Variants in HSPG2 observed in about 807,000 individuals in gnomAD.
The protein encoded by HSPG2 is heparan sulfate proteoglycan 2, also known as basement membrane-specific heparan sulfate proteoglycan core protein.
Under a neutral mutation model 526.6 loss-of-function variants are expected in HSPG2, and 278 were observed. That is an observed-to-expected ratio of 0.53 (90% CI 0.48 to 0.58). The LOEUF (loss-of-function observed/expected upper bound fraction) is 0.58. Ranked by LOEUF, HSPG2 falls within the 20% of genes least tolerant of loss-of-function variation. The pLI, the probability that HSPG2 is intolerant of heterozygous loss-of-function variation, is 0.00. For synonymous variants in HSPG2, 2,465 were observed against 2,555.4 expected (o/e 0.96, Z 1.07); for missense variants, 5,354 against 6,099.5 (o/e 0.88, Z 4.07).
rs1195269251 is a variant in HSPG2, at chr1:21,872,952, C to G, written c.3888+45G>C. 5.7e-6 allele frequency: 9 copies of G among 1,584,280 alleles called. No homozygotes were observed. The highest frequency in any genetic ancestry group is 7.8e-6 in the Non-Finnish European group (9 of 1,153,990). On this transcript the variant is annotated intron_variant, in intron 31 of 96. Transcript: ENST00000374695. This position sits in a 1 kb window ranked among gnomAD's most constrained non-coding sequence, Gnocchi z 5.5. ...GCCTGATTTCCCCGCAGGGTCTGGGCAGCGGGGCAGAGCAGGCCCCGCAGG... is the reference window on the plus strand; with the variant it reads ...GCCTGATTTCCCCGCAGGGTCTGGGGAGCGGGGCAGAGCAGGCCCCGCAGG...
In HSPG2 at chr1:21,857,267, A is replaced by G; in HGVS notation, c.5394+18T>C. 6.2e-7 allele frequency: 1 copy of G among 1,613,702 alleles called. No individual in the cohort carries two copies. Among genetic ancestry groups the G allele is most frequent in the South Asian group, 1.1e-5 (1 of 91,076 alleles). On this transcript the variant is annotated intron_variant, in intron 43 of 96. Transcript: ENST00000374695. Reference sequence around the variant, plus strand: ...CAGAAGACAGACTTCCTCCATCCCCACTCCCTGACCTGCACACCTTGCTTT... The same window carrying G: ...CAGAAGACAGACTTCCTCCATCCCCGCTCCCTGACCTGCACACCTTGCTTT...
chr1:21,829,303 A>G (rs1438322182), intron 87 of HSPG2, 80 bp downstream of exon 87: 3 of 1,484,514 alleles, frequency 2.0e-6, no homozygotes, highest in African/African-American at 1.4e-5. Context: ...TTATCCTCCC[A>G]TGCCTCCCTG....
intron 80 of HSPG2, 94 bp downstream of exon 80, chr1:21,833,174 G>T: frequency 9.6e-7 from 1 of 1,044,934 alleles, no homozygotes; most frequent in Non-Finnish European, 1.5e-6. Flanking sequence ...GGGCAGGACT[G>T]AGGGGCAGCC....
chr1:21,880,968 C>A (rs1641456683), intron 14 of HSPG2, 133 bp from the exon 15 acceptor site: 10 of 974,524 alleles, frequency 1.0e-5, no homozygotes, highest in Non-Finnish European at 1.3e-5. Context: ...AGGCACTGAG[C>A]TAGGCACAGG....
At position 21,864,207 on chromosome 1, in the gene HSPG2, C is replaced by T; in HGVS notation, c.4633G>A (p.Ala1545Thr). 6.4e-7 allele frequency: 1 copy of T among 1,551,626 alleles called. No individual in the cohort carries two copies. The highest frequency in any genetic ancestry group is 8.7e-7 in the Non-Finnish European group (1 of 1,147,404). The change falls in exon 37 of 97, where the codon GCC becomes ACC. Residue 1545 changes from alanine (A) to threonine (T), a missense_variant. Physicochemically the swap from Ala to Thr is moderately conservative, Grantham distance 58. Transcript: ENST00000374695. The surrounding 1 kb of genome is among the most constrained non-coding windows in gnomAD (Gnocchi z 4.8). ...GYIGLSCQDC[A>T]PGYTRTGSGL... ...CTCCCGGTGCGCGTGTAGCCGGGGG[C>T]ACAGTCCTAGGGGCAGAGAGGAAGG...
chr1:21,878,890 G>A (rs918844301), intron 18 of HSPG2, 104 bp downstream of exon 18: 103 of 1,416,708 alleles, frequency 7.3e-5, no homozygotes, highest in South Asian at 3.2e-4. Context: ...TTAGTGATCA[G>A]GTAGAGATCT....
chr1:21,829,531 G>T lies in HSPG2; in HGVS notation c.11844C>A (p.His3948Gln). The T allele has an allele frequency of 1.9e-6, 3 of 1,613,024 alleles. No individual in the cohort carries two copies. The highest frequency in any genetic ancestry group is 1.7e-6 in the Non-Finnish European group (2 of 1,179,804). Residue 3948 changes from histidine to glutamine, a missense_variant, in exon 87 of 97, where the codon CAC becomes CAA. Physicochemically the swap from His to Gln is conservative, Grantham distance 24. Coordinates refer to ENST00000374695, the MANE Select transcript of HSPG2 (RefSeq NM_005529.7). ...ACTCCACGTCCAGGCGTAGCTCGTGGTGTGTGTTGGTGAGGGCGGGCAGTG... is the reference window on the plus strand; with the variant it reads ...ACTCCACGTCCAGGCGTAGCTCGTGTTGTGTGTTGGTGAGGGCGGGCAGTG... ...YLALPALTNTHHELRLDVEFK... is the reference protein window; with the variant it reads ...YLALPALTNTQHELRLDVEFK...
rs1356262699 is a variant in HSPG2, at chr1:21,877,012, T to C, written c.2686-360A>G. 1.5e-5 allele frequency among the ~76,000 whole-genome samples: 2 copies of C among 135,516 alleles called. 1 individual carries two copies. Among genetic ancestry groups the C allele is most frequent in the East Asian group, 4.5e-4 (2 of 4,472 alleles). 88.9% of individuals were successfully genotyped at this position (135,516 alleles called of 152,430 possible). A position where few individuals can be genotyped will look rare whatever the true frequency, so the allele number is the denominator to read the frequency against. On this transcript the variant is annotated intron_variant, in intron 21 of 96. Transcript: ENST00000374695. The stretch of plus-strand genomic sequence containing the variant: ...AGGTGGAGGTTGCAGTGAGCCGAGA[T>C]CGCGCCACTGCAATCCAGCCTACGC...
rs1488196994 is a variant in HSPG2 at position 21,864,551 on chromosome 1, T to C, written c.4626+292A>G. The stretch of plus-strand genomic sequence containing the variant: ...CCAAACGTGAGGCTGCACTGCCCAG[T>C]GGTTAGGACATGCTAGGCTTTGGAG... On this transcript the variant is annotated intron_variant, in intron 36 of 96. Coordinates refer to ENST00000374695, the MANE Select transcript of HSPG2 (RefSeq NM_005529.7). The surrounding 1 kb of genome is among the most constrained non-coding windows in gnomAD (Gnocchi z 4.8). Among the ~76,000 whole-genome samples, 1 of 152,098 alleles carries C rather than the reference T, an allele frequency of 6.6e-6. No homozygotes were observed. Among genetic ancestry groups the C allele is most frequent in the Admixed American group, 6.5e-5 (1 of 15,274 alleles).
In HSPG2 at chr1:21,859,154, TCTC is replaced by T. The variant is rs764419911; in HGVS notation, c.5293+409_5293+411del. 2.0e-5 allele frequency among the ~76,000 whole-genome samples: 3 copies of T among 152,006 alleles called. No individual in the cohort carries two copies. The highest frequency in any genetic ancestry group is 2.9e-5 in the Non-Finnish European group (2 of 67,996). On this transcript the variant is annotated intron_variant, in intron 42 of 96. Transcript: ENST00000374695. The surrounding 1 kb of genome is among the most constrained non-coding windows in gnomAD (Gnocchi z 5.3). Reference sequence around the variant, plus strand: ...CCTCCACCTCCCGGGTTCAAGCAATTCTCCTGCCTCAGTTCTCCCGAGTAGCTG... The same window carrying T: ...CCTCCACCTCCCGGGTTCAAGCAATTCTGCCTCAGTTCTCCCGAGTAGCTG...
At position 21,829,387 on chromosome 1, in the gene HSPG2, C is replaced by A. The variant is rs749833238; in HGVS notation, c.11988G>T (p.Gly3996=). ...GGHLEFRYEL[G]SGLAVLRSAE... Reference sequence around the variant, plus strand: ...CATTTGGTGCTGGGTGCTTACCTGACCCCAACTCATAGCGGAACTCCAGGT... The same window carrying A: ...CATTTGGTGCTGGGTGCTTACCTGAACCCAACTCATAGCGGAACTCCAGGT... The change falls in exon 87 of 97, where the codon GGG becomes GGT. Residue 3996 remains glycine, a synonymous_variant. Transcript: ENST00000374695. 1 of 1,613,324 alleles carries A rather than the reference C, an allele frequency of 6.2e-7. No individual in the cohort carries two copies. Among genetic ancestry groups the A allele is most frequent in the Non-Finnish European group, 8.5e-7 (1 of 1,179,894 alleles).
At chr1:21,873,890 G>A (rs1640847529) in intron 29 of HSPG2, 35 bp downstream of exon 29, 2 of 1,526,394 alleles carry the variant, frequency 1.3e-6, no homozygotes, top group African/African-American at 1.4e-5. Flanking sequence ...CACCCCCTGT[G>A]CGCATCCCCC....
intron 65 of HSPG2, 81 bp from the exon 66 acceptor site, chr1:21,843,519 C>T: frequency 6.9e-7 from 1 of 1,446,604 alleles, no homozygotes. Flanking sequence ...CACCCTGGGA[C>T]TGCCATGCAC....
rs766234257 is a variant in HSPG2, at chr1:21,887,309, G to A, written c.984C>T (p.Asn328=). The change falls in exon 9 of 97, where the codon AAC becomes AAT. Residue 328 remains asparagine (N), a synonymous_variant. Transcript: ENST00000374695. The surrounding 1 kb of genome is among the most constrained non-coding windows in gnomAD (Gnocchi z 5.0). The part of the protein sequence containing the change: ...DCGPPPPCEP[N]EFPCGNGHCA... ...AATGTCCATTCCCGCAGGGGAACTC[G>A]TTGGGCTCACAGGGTGGCGGGGGGC... is the stretch of plus-strand genomic sequence containing the variant. The A allele has an allele frequency of 5.0e-6, 8 of 1,613,974 alleles. No individual in the cohort carries two copies. Among genetic ancestry groups the A allele is most frequent in the South Asian group, 3.3e-5 (3 of 91,088 alleles).
chr1:21,832,921 G>A, intron 80 of HSPG2: 3 of 562,274 alleles, frequency 5.3e-6, no homozygotes, highest in Non-Finnish European at 9.6e-6. Flanking sequence ...AGACCCGTAA[G>A]AGACGAGAGA....
At position 21,887,162 on chromosome 1, in the gene HSPG2, GCAAGCGGCC is replaced by G; in HGVS notation, c.1078+44_1078+52del. On this transcript the variant is annotated intron_variant, in intron 9 of 96. Transcript: ENST00000374695. This position sits in a 1 kb window ranked among gnomAD's most constrained non-coding sequence, Gnocchi z 5.0. ...GGCAGGAGTGGAAGGCGGGGCAGGAGCAAGCGGCCTGGGCAGGGCAAGGGGGCCTCAGCT... is the reference window on the plus strand; with the variant it reads ...GGCAGGAGTGGAAGGCGGGGCAGGAGTGGGCAGGGCAAGGGGGCCTCAGCT... 3 of 1,607,934 alleles carry G rather than the reference GCAAGCGGCC, an allele frequency of 1.9e-6. No individual in the cohort carries two copies. The highest frequency in any genetic ancestry group is 2.5e-6 in the Non-Finnish European group (3 of 1,177,132).
Position 21,828,270 on chromosome 1 carries a change from G to A in HSPG2, c.12394C>T (p.Arg4132Ter), listed in dbSNP as rs745544664. The A allele has an allele frequency of 6.2e-6, 10 of 1,613,574 alleles. No individual in the cohort carries two copies. The highest frequency in any genetic ancestry group is 7.6e-6 in the Non-Finnish European group (9 of 1,180,042). Residue 4132 changes from arginine (R) to a stop codon, truncating the protein, a stop_gained, in exon 89 of 97, where the codon CGA (arginine) becomes TGA (stop). Coordinates refer to ENST00000374695, the MANE Select transcript of HSPG2 (RefSeq NM_005529.7). LOFTEE classifies it high-confidence loss of function. This position sits in a 1 kb window ranked among gnomAD's most constrained non-coding sequence, Gnocchi z 6.0. Reference protein sequence around the residue: ...AGEYEFQCLCRDGFKGDLCEH... With the variant: ...AGEYEFQCLC ...GCTTTCCCACCTTTGAATCCATCTC[G>A]ACACAGGCACTGGAACTCATACTCG...
intron 57 of HSPG2, among the ~76,000 whole-genome samples, chr1:21,849,404 C>T (rs1638706730): frequency 6.6e-6 from 1 of 152,190 alleles, no homozygotes; most frequent in Non-Finnish European, 1.5e-5. Context: ...AAGGGGGACT[C>T]TTGTCCAGCA....
chr1:21,924,746 CAGCA>C (rs1405827294), intron 1 of HSPG2, among the ~76,000 whole-genome samples: 45 of 152,218 alleles, frequency 3.0e-4, no homozygotes, highest in Middle Eastern at 3.4e-3. Flanking sequence ...ACGACTCTGG[CAGCA>C]AGCGAGTGTC....
Sources: gnomAD v4.1 joint callset for allele counts (sites outside exome capture counted in the v4.1 genomes callset) on GRCh38, gnomAD v4.1.1 for gene constraint, Gnocchi (gnomAD v3.1) non-coding constraint, MANE v1.5 for transcripts, NCBI Gene and HGNC (gene_info 2026-07-23, HGNC 2026-07-21) for gene names.